The following CCDC30 variants were observed in gnomAD, a reference collection of about 807,000 sequenced individuals.
The protein encoded by CCDC30 is coiled-coil domain-containing protein 30.
CCDC30 carries 70 observed loss-of-function variants against 100.2 expected under a neutral mutation model. The observed-to-expected ratio is 0.70, with a 90% confidence interval of 0.58 to 0.85. The LOEUF (loss-of-function observed/expected upper bound fraction) is 0.85. Among genes scored for constraint, CCDC30 ranks in the 40% least tolerant of loss-of-function variants. CCDC30 has a pLI of 0.00. For synonymous variants in CCDC30, 233 were observed against 269.5 expected (o/e 0.86, Z 1.33); for missense variants, 652 against 771.2 (o/e 0.85, Z 1.83).
At chr1:42,489,458 G>A (rs149079158) in intron 3 of CCDC30, among the ~76,000 whole-genome samples, 2,189 of 152,298 alleles carry the variant, frequency 0.014, 29 homozygotes, top group Admixed American at 0.037. Flanking sequence ...TGTTACGGAT[G>A]TAATAATAAA....
chr1:42,605,641 G>A (rs1211514118), intron 10 of CCDC30, among the ~76,000 whole-genome samples: 1 of 151,942 alleles, frequency 6.6e-6, no homozygotes, highest in African/African-American at 2.4e-5. Flanking sequence ...ACCATGCCTG[G>A]CTATTTTATT....
At position 42,614,787 on chromosome 1, in the gene CCDC30, GA is replaced by G. The variant is rs199699271; in HGVS notation, c.1277+3711del. On this transcript the variant is annotated intron_variant, in intron 11 of 16. Transcript: ENST00000668663. ...GAATGACAGAGTAAGACTCCATCTC[GA>G]AAAAAAAAAAAAAGATACAGAATAT... Among the ~76,000 whole-genome samples, 295 of 133,324 alleles carry G rather than the reference GA, an allele frequency of 2.2e-3. 1 individual carries two copies. The highest frequency in any genetic ancestry group is 8.9e-3 in the East Asian group (41 of 4,630). The allele number at this position is 133,324 out of a possible 152,430, so 87.5% of individuals were successfully genotyped here.
At chr1:42,589,566 C>T in intron 10 of CCDC30, 83 bp downstream of exon 14, 1 of 1,240,852 alleles carries the variant, frequency 8.1e-7, no homozygotes, top group Non-Finnish European at 1.2e-6. Context: ...TAGCACTTTA[C>T]TAAACCTAAT....
At chr1:42,597,753 A>ACT (rs1293304234) in intron 10 of CCDC30, among the ~76,000 whole-genome samples, 1 of 152,042 alleles carries the variant, frequency 6.6e-6, no homozygotes, top group East Asian at 1.9e-4. Flanking sequence ...ACACTATACC[A>ACT]CTTCAGGAGG....
At chr1:42,656,358 C>T (rs577187694), downstream of CCDC30, among the ~76,000 whole-genome samples, 4 of 152,292 alleles carry the variant, frequency 2.6e-5, no homozygotes, top group Non-Finnish European at 2.9e-5. Flanking sequence ...TGACCAGGTG[C>T]GGTGGCTCAC....
chr1:42,553,797 T>C (rs988800999), intron 6 of CCDC30, among the ~76,000 whole-genome samples: 42 of 152,188 alleles, frequency 2.8e-4, no homozygotes, highest in Non-Finnish European at 5.9e-4. Context: ...TGTTGTTTTA[T>C]AAAAATTTTT....
chr1:42,510,078 G>T, intron 6 of CCDC30: 1 of 985,416 alleles, frequency 1.0e-6, no homozygotes. Flanking sequence ...AATTGGAGGA[G>T]CTGACAATGT....
chr1:42,647,707 G>C (rs997168463), intron 15 of CCDC30, among the ~76,000 whole-genome samples: 1 of 152,092 alleles, frequency 6.6e-6, no homozygotes, highest in Non-Finnish European at 1.5e-5. Flanking sequence ...TTGAAAAACA[G>C]AAATTGTGTC....
At chr1:42,615,794 A>G (rs1646716680) in intron 11 of CCDC30, among the ~76,000 whole-genome samples, 1 of 152,046 alleles carries the variant, frequency 6.6e-6, no homozygotes, top group Non-Finnish European at 1.5e-5. Context: ...CTTCCTGTCA[A>G]CCTTGTTGGG....
At chr1:42,461,860 A>G (rs1024519762), upstream of CCDC30, among the ~76,000 whole-genome samples, 1 of 152,138 alleles carries the variant, frequency 6.6e-6, no homozygotes, top group African/African-American at 2.4e-5. Flanking sequence ...GGCTCCTTTG[A>G]CAATGATTTT....
chr1:42,567,952 G>C (rs10890201), intron 7 of CCDC30, among the ~76,000 whole-genome samples: 1 of 150,590 alleles, frequency 6.6e-6, no homozygotes, highest in Non-Finnish European at 1.5e-5. Flanking sequence ...TAAAAAAAAA[G>C]AGAGAGAGAA....
chr1:42,580,015 C>A (rs1415131319), intron 8 of CCDC30, among the ~76,000 whole-genome samples: 1 of 151,790 alleles, frequency 6.6e-6, no homozygotes, highest in Non-Finnish European at 1.5e-5. Context: ...TATTGGTTTT[C>A]TCTGGTGGAG....
intron 12 of CCDC30, among the ~76,000 whole-genome samples, chr1:42,640,746 T>G (rs1453061012): frequency 1.3e-5 from 2 of 151,706 alleles, no homozygotes; most frequent in African/African-American, 4.8e-5. Context: ...GTACAAAAAT[T>G]AGCTGGGTGC....
intron 6 of CCDC30, among the ~76,000 whole-genome samples, chr1:42,508,281 A>G (rs1358461142): frequency 1.3e-5 from 2 of 152,228 alleles, no homozygotes; most frequent in South Asian, 2.1e-4. Context: ...AAGACAGTGT[A>G]GTGCTTCTAC....
chr1:42,598,991 G>T (rs1646348789), intron 10 of CCDC30, among the ~76,000 whole-genome samples: 1 of 152,144 alleles, frequency 6.6e-6, no homozygotes, highest in Non-Finnish European at 1.5e-5. Context: ...AATGTTAAAA[G>T]AAGTTCTTTA....
intron 3 of CCDC30, among the ~76,000 whole-genome samples, chr1:42,485,564 T>C (rs923913662): frequency 6.6e-6 from 1 of 151,858 alleles, no homozygotes; most frequent in African/African-American, 2.4e-5. Flanking sequence ...AAGGCTGAGG[T>C]GGAAGGATAG....
chr1:42,546,100 T>G (rs1291652889), intron 6 of CCDC30, among the ~76,000 whole-genome samples: 2 of 151,752 alleles, frequency 1.3e-5, no homozygotes, highest in African/African-American at 4.8e-5. Context: ...GTATGCGGCC[T>G]GTTACATATG....
chr1:42,610,113 A>G (rs537698190), intron 10 of CCDC30, among the ~76,000 whole-genome samples: 73 of 152,344 alleles, frequency 4.8e-4, no homozygotes, highest in African/African-American at 1.7e-3. Context: ...TGGCTAGCCC[A>G]CCTCACAATC....
At chr1:42,522,185 T>C (rs1490372192) in intron 6 of CCDC30, among the ~76,000 whole-genome samples, 2 of 152,222 alleles carry the variant, frequency 1.3e-5, no homozygotes, top group Non-Finnish European at 2.9e-5. Context: ...TTTATTGTCA[T>C]ATTGTTATTT....
Sources: gnomAD v4.1 joint callset for allele counts (sites outside exome capture counted in the v4.1 genomes callset) on GRCh38, gnomAD v4.1.1 for gene constraint, MANE v1.5 for transcripts, NCBI Gene and HGNC (gene_info 2026-07-23, HGNC 2026-07-21) for gene names.